TADA2A: variants seen among roughly 807,000 people sequenced by gnomAD.
TADA2A encodes transcriptional adaptor 2A, also known as transcriptional adapter 2-alpha.
TADA2A carries 38 observed loss-of-function variants against 67.4 expected under a neutral mutation model. That is an observed-to-expected ratio of 0.56 (90% CI 0.44 to 0.74). The LOEUF is 0.74. Ranked by LOEUF, TADA2A falls within the 30% of genes least tolerant of loss-of-function variation. TADA2A has a pLI of 0.00. For missense variants in TADA2A, 454 were observed against 547.0 expected (o/e 0.83, Z 1.70); for synonymous variants, 192 against 181.6 (o/e 1.06, Z -0.46).
chr17:37,426,842 C>T (rs2052425220), intron 3 of TADA2A, 108 bp from the exon 4 acceptor site: 1 of 1,000,256 alleles, frequency 1.0e-6, no homozygotes, highest in Admixed American at 2.9e-5. Flanking sequence ...GAGACCCTGT[C>T]TCCAAAAATA....
chr17:37,453,367 G>A (rs1034157939), intron 8 of TADA2A, among the ~76,000 whole-genome samples: 7 of 152,222 alleles, frequency 4.6e-5, no homozygotes, highest in Middle Eastern at 3.4e-3. Flanking sequence ...ATGAGCCATC[G>A]TATTCTGTTC....
At chr17:37,440,427 A>G in intron 5 of TADA2A, 78 bp from the exon 6 acceptor site, 2 of 1,514,142 alleles carry the variant, frequency 1.3e-6, no homozygotes, top group South Asian at 1.2e-5. Context: ...GACTTAAAAT[A>G]TGAAAAGAGC....
chr17:37,409,381 A>G (rs1460259948), intron 1 of TADA2A, among the ~76,000 whole-genome samples: 3 of 152,084 alleles, frequency 2.0e-5, no homozygotes, highest in Non-Finnish European at 4.4e-5. Flanking sequence ...GAGCTACCAC[A>G]CCCAGCCTGC....
chr17:37,423,434 G>A (rs1397365221), intron 2 of TADA2A, 75 bp from the exon 3 acceptor site: 2 of 1,127,478 alleles, frequency 1.8e-6, no homozygotes, highest in African/African-American at 1.6e-5. Context: ...TGGTCATTTG[G>A]GGATTTTCAC....
At position 37,473,486 on chromosome 17, in the gene TADA2A, G is replaced by A. The variant is rs75629098; in HGVS notation, c.1073-1070G>A. Among the ~76,000 whole-genome samples the A allele has an allele frequency of 5.8e-3, 885 of 152,218 alleles. 5 individuals are homozygous for A. The highest frequency in any genetic ancestry group is 0.018 in the African/African-American group (766 of 41,542). ...TTGAGGATTTGGAATAATCCCTTAT[G>A]CCTTTTGTTGATGTAACAGAGAAGC... is the stretch of plus-strand genomic sequence containing the variant. On this transcript the variant is annotated intron_variant, in intron 14 of 15. Coordinates refer to ENST00000615182, the MANE Select transcript of TADA2A (RefSeq NM_001166105.3).
At chr17:37,451,206 A>C (rs1247213429) in intron 8 of TADA2A, among the ~76,000 whole-genome samples, 1 of 152,090 alleles carries the variant, frequency 6.6e-6, no homozygotes, top group Non-Finnish European at 1.5e-5. Flanking sequence ...TTATAAAAAA[A>C]ATTTTTGTAG....
At chr17:37,414,628 A>T (rs1471587037) in intron 2 of TADA2A, among the ~76,000 whole-genome samples, 3 of 152,164 alleles carry the variant, frequency 2.0e-5, no homozygotes, top group African/African-American at 7.2e-5. Flanking sequence ...TTACGTACAC[A>T]TATACTTCTT....
At chr17:37,414,323 A>G (rs2051973465) in intron 2 of TADA2A, among the ~76,000 whole-genome samples, 1 of 152,052 alleles carries the variant, frequency 6.6e-6, no homozygotes, top group Admixed American at 6.6e-5. Flanking sequence ...GTCCCTTCAA[A>G]TGGGCTCCTA....
intron 2 of TADA2A, among the ~76,000 whole-genome samples, chr17:37,419,653 A>G (rs1442024794): frequency 6.9e-6 from 1 of 145,224 alleles, no homozygotes; most frequent in Non-Finnish European, 1.5e-5. Context: ...GTGCACATAC[A>G]TGTAATCCCA....
At chr17:37,464,713 C>CT (rs1209838439) in intron 10 of TADA2A, among the ~76,000 whole-genome samples, 1 of 151,410 alleles carries the variant, frequency 6.6e-6, no homozygotes, top group African/African-American at 2.4e-5. Context: ...GGCGGTGTGC[C>CT]TGTAATCCCA....
intron 2 of TADA2A, among the ~76,000 whole-genome samples, chr17:37,415,106 T>C (rs970440225): frequency 7.3e-5 from 11 of 151,266 alleles, no homozygotes; most frequent in Non-Finnish European, 1.0e-4. Flanking sequence ...GGTCTTGAAC[T>C]CCTGATCTCA....
chr17:37,429,088 G>C (rs1176942021), intron 4 of TADA2A, among the ~76,000 whole-genome samples: 1 of 151,796 alleles, frequency 6.6e-6, no homozygotes, highest in African/African-American at 2.4e-5. Context: ...GTAGACAGGG[G>C]TCTAGGGGCC....
At chr17:37,457,521 G>A (rs1235586911) in intron 8 of TADA2A, among the ~76,000 whole-genome samples, 8 of 125,246 alleles carry the variant, frequency 6.4e-5, no homozygotes, top group African/African-American at 2.1e-4. Flanking sequence ...TTTTTGAGAC[G>A]AGTCTCGCTC....
chr17:37,472,776 C>T (rs2053816697), intron 14 of TADA2A, among the ~76,000 whole-genome samples: 1 of 152,216 alleles, frequency 6.6e-6, no homozygotes, highest in Middle Eastern at 3.4e-3. Context: ...GCAGGAGAAT[C>T]GCTTGAATCC....
intron 4 of TADA2A, 108 bp from the exon 5 acceptor site, chr17:37,437,630 G>T (rs1016905362): frequency 3.3e-6 from 3 of 900,770 alleles, no homozygotes; most frequent in Admixed American, 4.4e-5. Flanking sequence ...CAGGTGATCC[G>T]CCCGCCTCCG....
intron 3 of TADA2A, 90 bp from the exon 4 acceptor site, chr17:37,426,859 TA>T (rs922782326): frequency 7.6e-7 from 1 of 1,319,546 alleles, no homozygotes; most frequent in African/African-American, 1.5e-5. Flanking sequence ...AATAAAATTT[TA>T]AAAACCCAAA....
intron 8 of TADA2A, chr17:37,454,035 A>G (rs2053308281): frequency 6.6e-6 from 1 of 152,006 alleles, no homozygotes; most frequent in East Asian, 1.9e-4. Context: ...CGGCCTCCCA[A>G]AGTGCTGGGA....
chr17:37,439,776 C>A (rs934844600), intron 5 of TADA2A, among the ~76,000 whole-genome samples: 1 of 151,668 alleles, frequency 6.6e-6, no homozygotes, highest in East Asian at 1.9e-4. Context: ...TTTGGTAAAC[C>A]GTAAAATATT....
chr17:37,423,683 G>A, intron 3 of TADA2A, 68 bp downstream of exon 3: 1 of 1,184,092 alleles, frequency 8.4e-7, no homozygotes, highest in Admixed American at 2.2e-5. Context: ...ATATTTCGGA[G>A]ATTACTGTCA....
Sources: allele counts gnomAD v4.1 joint callset (sites outside exome capture counted in the v4.1 genomes callset), GRCh38; gene constraint gnomAD v4.1.1; transcripts MANE v1.5; gene names NCBI Gene and HGNC (gene_info 2026-07-23, HGNC 2026-07-21).